Variants in FREM3 observed in about 807,000 individuals in gnomAD.
The protein encoded by FREM3 is FRAS1 related extracellular matrix 3.
In FREM3, 105 loss-of-function variants were observed where a neutral mutation model predicts 129.1. That is an observed-to-expected ratio of 0.81 (90% confidence interval 0.69 to 0.96). The LOEUF is 0.96. Ranked by LOEUF, FREM3 falls within the 40% of genes least tolerant of loss-of-function variation. The pLI is 0.00. For synonymous variants in FREM3, 1,014 were observed against 1,044.9 expected (o/e 0.97, Z 0.57); for missense variants, 2,593 against 2,666.3 (o/e 0.97, Z 0.61).
At chr4:143,632,789 A>G (rs1378405780) in intron 2 of FREM3, among the ~76,000 whole-genome samples, 1 of 151,772 alleles carries the variant, frequency 6.6e-6, no homozygotes, top group Non-Finnish European at 1.5e-5. Flanking sequence ...AAAATACACT[A>G]CATAACAATA....
At chr4:143,675,710 T>C (rs1441628510) in intron 2 of FREM3, among the ~76,000 whole-genome samples, 1 of 152,070 alleles carries the variant, frequency 6.6e-6, no homozygotes, top group African/African-American at 2.4e-5. Flanking sequence ...AAAGGGGATA[T>C]CACCACTGAT....
intron 2 of FREM3, among the ~76,000 whole-genome samples, chr4:143,677,689 AT>A (rs1740167186): frequency 6.6e-6 from 1 of 152,216 alleles, no homozygotes; most frequent in Non-Finnish European, 1.5e-5. Context: ...ATTCAAACAA[AT>A]TGACAAGAAA....
chr4:143,609,140 C>G (rs1169653614), intron 6 of FREM3, among the ~76,000 whole-genome samples: 1 of 152,082 alleles, frequency 6.6e-6, no homozygotes, highest in African/African-American at 2.4e-5. Flanking sequence ...CCAAGGTTAC[C>G]CAGAGAGAGT....
At chr4:143,675,948 A>T (rs1740112170) in intron 2 of FREM3, among the ~76,000 whole-genome samples, 1 of 152,172 alleles carries the variant, frequency 6.6e-6, no homozygotes, top group African/African-American at 2.4e-5. Flanking sequence ...TCACAGCCGA[A>T]TTCTACCAGA....
At chr4:143,676,115 T>G (rs1486861465) in intron 2 of FREM3, among the ~76,000 whole-genome samples, 1 of 152,194 alleles carries the variant, frequency 6.6e-6, no homozygotes, top group African/African-American at 2.4e-5. Flanking sequence ...CCAATATCCC[T>G]GATGAACATT....
At chr4:143,628,993 G>C (rs761190849) in intron 2 of FREM3, among the ~76,000 whole-genome samples, 59 of 152,112 alleles carry the variant, frequency 3.9e-4, no homozygotes, top group Admixed American at 8.5e-4. Context: ...CAGTTAAGGA[G>C]GCAACAGGGT....
chr4:143,670,728 C>G (rs996709392), intron 2 of FREM3, among the ~76,000 whole-genome samples: 1 of 152,070 alleles, frequency 6.6e-6, no homozygotes, highest in African/African-American at 2.4e-5. Flanking sequence ...TTCAAAAAAT[C>G]ATTCATAATA....
At chr4:143,652,319 C>T (rs1232605456) in intron 2 of FREM3, among the ~76,000 whole-genome samples, 1 of 93,982 alleles carries the variant, frequency 1.1e-5, no homozygotes, top group South Asian at 4.0e-4. Flanking sequence ...CCCGCCACCG[C>T]GCCCGGCTAA....
At chr4:143,640,039 C>T (rs1739297616) in intron 2 of FREM3, among the ~76,000 whole-genome samples, 1 of 152,196 alleles carries the variant, frequency 6.6e-6, no homozygotes, top group Non-Finnish European at 1.5e-5. Flanking sequence ...CATGCTGTTT[C>T]ACATCTCTGA....
At chr4:143,682,151 A>G (rs951990586) in intron 2 of FREM3, among the ~76,000 whole-genome samples, 67 of 152,318 alleles carry the variant, frequency 4.4e-4, no homozygotes, top group African/African-American at 1.5e-3. Context: ...AAAATTTGGT[A>G]TCCTAGTGAG....
intron 2 of FREM3, among the ~76,000 whole-genome samples, chr4:143,631,598 A>C (rs1739142260): frequency 6.6e-6 from 1 of 150,926 alleles, no homozygotes; most frequent in African/African-American, 2.4e-5. Context: ...ACTAGAAAAT[A>C]AGACGTGTAT....
At chr4:143,636,820 T>C (rs1022499081) in intron 2 of FREM3, among the ~76,000 whole-genome samples, 1 of 152,140 alleles carries the variant, frequency 6.6e-6, no homozygotes, top group Non-Finnish European at 1.5e-5. Flanking sequence ...AAATGCTGAC[T>C]CTCAAATAGG....
Position 143,697,654 on chromosome 4 carries a change from T to A in FREM3, c.3022A>T (p.Thr1008Ser). ...LVNGLPTERF[T>S]QEDLINGRVA... ...CTCCCATTGATGAGATCCTCTTGGG[T>A]GAATCGTTCTGTGGGCAAACCATTT... The change falls in exon 1 of 8, where the codon ACC becomes TCC. Residue 1008 changes from threonine (T) to serine (S), a missense_variant. Thr to Ser is a moderately conservative substitution (Grantham distance 58). This residue lies in a region of FREM3 where 2,276 missense variants were observed against 2,267.2 expected (regional missense o/e 1.00). Transcript: ENST00000329798. 1 of 1,537,798 alleles carries A rather than the reference T, an allele frequency of 6.5e-7. No individual in the cohort carries two copies. The highest frequency in any genetic ancestry group is 8.7e-7 in the Non-Finnish European group (1 of 1,147,034).
rs1413215652 is a variant in FREM3, at chr4:143,696,089, G to A, written c.4587C>T (p.Phe1529=). The A allele has an allele frequency of 6.5e-7, 1 of 1,537,382 alleles. No homozygotes were observed. The highest frequency in any genetic ancestry group is 1.4e-5 in the African/African-American group (1 of 73,046). The change falls in exon 1 of 8, where the codon TTC becomes TTT. Residue 1529 remains phenylalanine, a synonymous_variant. Transcript: ENST00000329798. ...GTTTCTTATTATCCACATCAGTGAT[G>A]AAGATCCTGAAGGTTCTGAACACAG... ...LYPVFRTFRI[F]ITDVDNKKPI... is the part of the protein sequence containing the mutation.
intron 6 of FREM3, among the ~76,000 whole-genome samples, chr4:143,588,781 A>AT (rs1738295157): frequency 6.6e-6 from 1 of 150,850 alleles, no homozygotes; most frequent in African/African-American, 2.4e-5. Flanking sequence ...GCTGGGTCAA[A>AT]TGGTATTTCT....
intron 5 of FREM3, among the ~76,000 whole-genome samples, chr4:143,619,489 TCTC>T (rs1738909687): frequency 6.6e-6 from 1 of 152,158 alleles, no homozygotes; most frequent in Non-Finnish European, 1.5e-5. Context: ...TTGTAAATCT[TCTC>T]ATACTCATAT....
chr4:143,615,717 A>C (rs1011571407), intron 5 of FREM3, among the ~76,000 whole-genome samples: 13 of 144,860 alleles, frequency 9.0e-5, no homozygotes, highest in South Asian at 2.1e-4. Flanking sequence ...CAAAAAAAAA[A>C]CAAAAACCCA....
chr4:143,653,573 C>T (rs1739548223), intron 2 of FREM3, among the ~76,000 whole-genome samples: 1 of 152,152 alleles, frequency 6.6e-6, no homozygotes, highest in Non-Finnish European at 1.5e-5. Context: ...ATAGAAGTGG[C>T]ATCCATATCC....
In FREM3 at chr4:143,695,852, G is replaced by T. The variant is rs1274484189; in HGVS notation, c.4824C>A (p.Tyr1608Ter). ...KQDLNKNLIS[Y>*]KHDGSETTED... is the part of the protein sequence containing the mutation. ...CAGTGGTCTCACTGCCGTCATGCTT[G>T]TAGCTAATCAGGTTCTTGTTCAGGT... Residue 1608 changes from tyrosine to a stop codon, truncating the protein, a stop_gained, in exon 1 of 8, where the codon TAC (tyrosine) becomes TAA (stop). Transcript: ENST00000329798. LOFTEE classifies it high-confidence loss of function. 1 of 1,537,474 alleles carries T rather than the reference G, an allele frequency of 6.5e-7. No homozygotes were observed. The highest frequency in any genetic ancestry group is 1.2e-5 in the South Asian group (1 of 84,064).
Sources: gnomAD v4.1 joint callset for allele counts (sites outside exome capture counted in the v4.1 genomes callset) on GRCh38, gnomAD v4.1.1 for gene constraint, gnomAD v4.1.1 regional missense constraint, MANE v1.5 for transcripts, NCBI Gene and HGNC (gene_info 2026-07-23, HGNC 2026-07-21) for gene names.